Variants in DCAF8L2 observed in about 807,000 individuals in gnomAD.
DCAF8L2 encodes DDB1 and CUL4 associated factor 8 like 2, also known as DDB1- and CUL4-associated factor 8-like protein 2.
For synonymous variants in DCAF8L2, 200 were observed against 190.9 expected, an observed-to-expected ratio of 1.05 and a Z score of -0.39; for missense variants, 430 against 490.7, an observed-to-expected ratio of 0.88 and a Z score of 1.17.
At chrX:27,572,213 G>C in the DCAF8L2 span, among the ~76,000 whole-genome samples, 16 of 111,510 alleles carry the variant, frequency 1.4e-4, no homozygotes, top group African/African-American at 4.6e-4. Context: ...TGTGGCTATA[G>C]CTTCTGGGGT....
chrX:27,549,824 G>T, the DCAF8L2 span, among the ~76,000 whole-genome samples: 8 of 111,218 alleles, frequency 7.2e-5, no homozygotes, highest in Non-Finnish European at 1.5e-4. Flanking sequence ...AGACATCCAA[G>T]TGCCTCTCCA....
At chrX:27,505,578 G>A in the DCAF8L2 span, among the ~76,000 whole-genome samples, 14 of 111,232 alleles carry the variant, frequency 1.3e-4, no homozygotes, top group Non-Finnish European at 2.3e-4. Flanking sequence ...AGTATGGTAG[G>A]TTTGGCTCCC....
At chrX:27,528,068 A>G in the DCAF8L2 span, among the ~76,000 whole-genome samples, 4 of 101,019 alleles carry the variant, frequency 4.0e-5, no homozygotes, top group Non-Finnish European at 7.9e-5. Flanking sequence ...TTAAATTTTT[A>G]ATTTAATTAA....
the DCAF8L2 span, among the ~76,000 whole-genome samples, chrX:27,473,839 A>T: frequency 9.0e-6 from 1 of 111,527 alleles, no homozygotes; most frequent in African/African-American, 3.3e-5. Context: ...CCTGCTTTTC[A>T]TTTTAATTCA....
intron 1 of DCAF8L2, among the ~76,000 whole-genome samples, chrX:27,612,332 A>G (rs148445465): frequency 0.032 from 3,620 of 111,638 alleles, 68 homozygotes; most frequent in African/African-American, 0.076. Flanking sequence ...TTCTTTGTAG[A>G]TTCTGGATAT....
chrX:27,748,453 G>A lies in DCAF8L2; in HGVS notation c.1558G>A (p.Glu520Lys). The A allele has an allele frequency of 8.3e-7, 1 of 1,208,578 alleles. No individual in the cohort carries two copies. Among genetic ancestry groups the A allele is most frequent in the Non-Finnish European group, 1.1e-6 (1 of 893,557 alleles). Reference sequence around the variant, plus strand: ...CAGAGAAGGTACAATAAACTGTCTTGAACCCCACCCTTACCTACCTGTGTT... The same window carrying A: ...CAGAGAAGGTACAATAAACTGTCTTAAACCCCACCCTTACCTACCTGTGTT... ...GSREGTINCL[E>K]PHPYLPVLAC... The change falls in exon 5 of 5, where the codon GAA becomes AAA. Residue 520 changes from glutamate (E) to lysine (K), a missense_variant. Glu to Lys is a moderately conservative substitution (Grantham distance 56, BLOSUM62 1). Transcript: ENST00000451261.
chrX:27,548,927 G>A, the DCAF8L2 span, among the ~76,000 whole-genome samples: 3 of 111,372 alleles, frequency 2.7e-5, no homozygotes, highest in Non-Finnish European at 3.8e-5. Context: ...TCCCTTTAGC[G>A]TAATAAATTT....
intron 1 of DCAF8L2, among the ~76,000 whole-genome samples, chrX:27,630,529 A>G (rs1928240929): frequency 9.0e-6 from 1 of 111,031 alleles, no homozygotes; most frequent in South Asian, 3.8e-4. Flanking sequence ...TGATACCATC[A>G]TTACATAATA....
intron 1 of DCAF8L2, among the ~76,000 whole-genome samples, chrX:27,613,634 C>T (rs904101943): frequency 9.0e-6 from 1 of 111,304 alleles, no homozygotes; most frequent in Non-Finnish European, 1.9e-5. Context: ...CCATCAATAC[C>T]TAGTTTATTG....
chrX:27,571,654 C>T, the DCAF8L2 span, among the ~76,000 whole-genome samples: 1 of 111,782 alleles, frequency 8.9e-6, no homozygotes, highest in East Asian at 2.8e-4. Context: ...ACTGCTTTAA[C>T]TGACTGAATA....
the DCAF8L2 span, among the ~76,000 whole-genome samples, chrX:27,520,570 T>G: frequency 8.9e-6 from 1 of 112,045 alleles, no homozygotes; most frequent in African/African-American, 3.2e-5. Context: ...GTTATGCCTT[T>G]TAAGTTGACA....
At chrX:27,615,038 T>G (rs1025746788) in intron 1 of DCAF8L2, among the ~76,000 whole-genome samples, 1 of 111,555 alleles carries the variant, frequency 9.0e-6, no homozygotes, top group African/African-American at 3.3e-5. Flanking sequence ...TGTAAGCATC[T>G]CTGCATTTTT....
chrX:27,682,252 A>G (rs1930355830), intron 3 of DCAF8L2, among the ~76,000 whole-genome samples: 1 of 111,901 alleles, frequency 8.9e-6, no homozygotes, highest in African/African-American at 3.3e-5. Flanking sequence ...GGCATGAACT[A>G]CTGTGCCCAG....
chrX:27,469,811 G>A, the DCAF8L2 span, among the ~76,000 whole-genome samples: 15 of 103,691 alleles, frequency 1.4e-4, no homozygotes, highest in African/African-American at 5.0e-4. Flanking sequence ...GTTTTCACTC[G>A]TTGCCCAGGC....
At chrX:27,602,025 C>T (rs753177950) in intron 1 of DCAF8L2, among the ~76,000 whole-genome samples, 2 of 111,787 alleles carry the variant, frequency 1.8e-5, no homozygotes, top group Non-Finnish European at 3.8e-5. Flanking sequence ...TGACCAGATA[C>T]CAGAAGAGAA....
chrX:27,567,546 CATATATATATAT>C, the DCAF8L2 span, among the ~76,000 whole-genome samples: 48 of 29,624 alleles, frequency 1.6e-3, 1 homozygote, highest in Middle Eastern at 0.029. Flanking sequence ...ACCACTGTAG[CATATATATATAT>C]ATATATATAT....
At chrX:27,652,901 A>G (rs912103306) in intron 2 of DCAF8L2, among the ~76,000 whole-genome samples, 3 of 112,334 alleles carry the variant, frequency 2.7e-5, no homozygotes, top group African/African-American at 9.7e-5. Context: ...CATCATAAAA[A>G]TGTTTAATTA....
At chrX:27,675,835 A>G (rs7065988) in intron 2 of DCAF8L2, among the ~76,000 whole-genome samples, 10,496 of 111,081 alleles carry the variant, frequency 0.094, 476 homozygotes, top group East Asian at 0.35. Flanking sequence ...TCATGGGATC[A>G]TAAGTTTGTA....
At chrX:27,680,302 G>C (rs985357045) in intron 3 of DCAF8L2, among the ~76,000 whole-genome samples, 1 of 111,095 alleles carries the variant, frequency 9.0e-6, no homozygotes, top group Non-Finnish European at 1.9e-5. Context: ...TAATAAAACC[G>C]TTCTACAATG....
Sources: allele counts gnomAD v4.1 joint callset (sites outside exome capture counted in the v4.1 genomes callset), GRCh38; gene constraint gnomAD v4.1.1; transcripts MANE v1.5; gene names NCBI Gene and HGNC (gene_info 2026-07-23, HGNC 2026-07-21).